Variants in KDM4D observed in about 807,000 individuals in gnomAD.
KDM4D encodes lysine demethylase 4D.
For synonymous variants in KDM4D, 254 were observed against 249.1 expected (o/e 1.02, Z -0.19); for missense variants, 427 against 674.8 (o/e 0.63, Z 4.07).
chr11:94,978,184 C>A (rs1857814568), intron 2 of KDM4D, among the ~76,000 whole-genome samples: 1 of 152,142 alleles, frequency 6.6e-6, no homozygotes, highest in Admixed American at 6.5e-5. Flanking sequence ...CTCTCCATCT[C>A]TTCCAGTTGA....
chr11:94,985,965 G>C (rs1857881735), intron 2 of KDM4D, among the ~76,000 whole-genome samples: 1 of 152,062 alleles, frequency 6.6e-6, no homozygotes, highest in Non-Finnish European at 1.5e-5. Flanking sequence ...AAGAAAACAG[G>C]AAAAATCTTT....
At chr11:94,992,020 A>T (rs1354792256) in intron 2 of KDM4D, among the ~76,000 whole-genome samples, 4 of 152,060 alleles carry the variant, frequency 2.6e-5, no homozygotes, top group African/African-American at 9.7e-5. Context: ...AATAATTTCA[A>T]AAGTTAATAA....
In KDM4D at chr11:94,998,240, G is replaced by A. The variant is rs782787300; in HGVS notation, c.868G>A (p.Ala290Thr). ...HAGFNHGFNC[A>T]EAINFATPRW... ...TGGCTTCAACCATGGTTTCAACTGC[G>A]CAGAGGCCATCAATTTTGCCACTCC... The change falls in exon 3 of 3, where the codon GCA becomes ACA. Residue 290 changes from alanine to threonine, a missense_variant. Transcript: ENST00000335080. The surrounding 1 kb of genome is among the most constrained non-coding windows in gnomAD (Gnocchi z 6.7). 5.0e-6 allele frequency: 8 copies of A among 1,614,190 alleles called. No homozygotes were observed. Among genetic ancestry groups the A allele is most frequent in the African/African-American group, 1.3e-5 (1 of 75,054 alleles).
At chr11:94,987,609 CT>C (rs1465176519) in intron 2 of KDM4D, among the ~76,000 whole-genome samples, 1 of 152,130 alleles carries the variant, frequency 6.6e-6, no homozygotes, top group Non-Finnish European at 1.5e-5. Context: ...TCTTCAGTGC[CT>C]GACTCAAATA....
chr11:94,993,887 A>G (rs1430308801), intron 2 of KDM4D, among the ~76,000 whole-genome samples: 4 of 152,082 alleles, frequency 2.6e-5, no homozygotes, highest in Non-Finnish European at 5.9e-5. Flanking sequence ...GAAATATTTT[A>G]TTTTATATTC....
chr11:94,980,998 AG>A (rs1412728952), intron 2 of KDM4D, among the ~76,000 whole-genome samples: 12 of 152,134 alleles, frequency 7.9e-5, no homozygotes, highest in African/African-American at 2.7e-4. Flanking sequence ...CTGATCTGCA[AG>A]GGAAAACGTA....
intron 2 of KDM4D, among the ~76,000 whole-genome samples, chr11:94,990,302 A>G (rs1241368360): frequency 6.6e-6 from 1 of 152,218 alleles, no homozygotes; most frequent in African/African-American, 2.4e-5. Context: ...AGAAGATAGA[A>G]TTCTCACCAA....
At chr11:94,984,322 C>G (rs587631036) in intron 2 of KDM4D, among the ~76,000 whole-genome samples, 6 of 151,946 alleles carry the variant, frequency 3.9e-5, no homozygotes, top group Non-Finnish European at 8.8e-5. Flanking sequence ...TGGCAAATCC[C>G]TGTCTCTACA....
chr11:94,990,307 C>T (rs1355624737), intron 2 of KDM4D, among the ~76,000 whole-genome samples: 3 of 152,206 alleles, frequency 2.0e-5, no homozygotes, highest in Non-Finnish European at 4.4e-5. Flanking sequence ...ATAGAATTCT[C>T]ACCAAGGTCT....
At chr11:94,995,158 C>T (rs587703185) in intron 2 of KDM4D, among the ~76,000 whole-genome samples, 1 of 152,232 alleles carries the variant, frequency 6.6e-6, no homozygotes, top group East Asian at 1.9e-4. Context: ...ATTATGTTCT[C>T]AATACTTTTA....
chr11:94,979,388 C>T (rs1857825235), intron 2 of KDM4D, among the ~76,000 whole-genome samples: 1 of 151,988 alleles, frequency 6.6e-6, no homozygotes, highest in Non-Finnish European at 1.5e-5. Flanking sequence ...TGCCACCATG[C>T]CTGGCTAATT....
Position 94,998,197 on chromosome 11 carries a change from T to C in KDM4D, c.825T>C (p.Phe275=), listed in dbSNP as rs782018256. The C allele has an allele frequency of 3.1e-6, 5 of 1,614,200 alleles. No homozygotes were observed. The Admixed American group carries it at 8.3e-5, about 27-fold the overall frequency. The change falls in exon 3 of 3, where the codon TTT becomes TTC. Residue 275 remains phenylalanine, a synonymous_variant. Transcript: ENST00000335080. The surrounding 1 kb of genome is among the most constrained non-coding windows in gnomAD (Gnocchi z 6.7). ...TQEAGEFMVT[F]PYGYHAGFNH... ...AGGCTGGAGAGTTCATGGTGACCTT[T>C]CCCTATGGCTACCATGCTGGCTTCA...
intron 2 of KDM4D, among the ~76,000 whole-genome samples, chr11:94,991,409 G>A (rs1459516581): frequency 6.6e-6 from 1 of 152,112 alleles, no homozygotes; most frequent in Non-Finnish European, 1.5e-5. Context: ...CAAAGAAACA[G>A]ACCATGCAGG....
Position 94,997,988 on chromosome 11 carries a change from C to G in KDM4D, c.616C>G (p.Leu206Val). 6.2e-7 allele frequency: 1 copy of G among 1,614,252 alleles called. No homozygotes were observed. The highest frequency in any genetic ancestry group is 8.5e-7 in the Non-Finnish European group (1 of 1,180,048). ...MDLYSINYLH[L>V]GEPKTWYVVP... ...CCTTTACAGCATCAACTACCTGCAC[C>G]TTGGGGAGCCCAAAACTTGGTATGT... is the stretch of plus-strand genomic sequence containing the variant. The change falls in exon 3 of 3, where the codon CTT becomes GTT. Residue 206 changes from leucine (L) to valine (V), a missense_variant. Physicochemically the swap from Leu to Val is conservative, Grantham distance 32 (BLOSUM62 1). Coordinates refer to ENST00000335080, the MANE Select transcript of KDM4D (RefSeq NM_018039.3).
At position 94,973,777 on chromosome 11, in the gene KDM4D, C is replaced by T. The variant is rs1270161821; in HGVS notation, c.-736C>T. 1 of 152,364 alleles carries T rather than the reference C, an allele frequency of 6.6e-6. No individual in the cohort carries two copies. Among genetic ancestry groups the T allele is most frequent in the Non-Finnish European group, 1.5e-5 (1 of 68,134 alleles). The allele number at this position is 152,364 out of a possible 1,614,324, so 9.4% of individuals were successfully genotyped here. On this transcript the variant is annotated 5_prime_UTR_variant, in exon 1 of 3. Transcript: ENST00000335080. ...ATTTTATACCTTCAAGAACCAATTA[C>T]TTAATGTCTCTTCCGTCTTTTCCGT...
In KDM4D at chr11:94,994,109, C is replaced by G. The variant is rs782326844; in HGVS notation, c.-349-2915C>G. Reference sequence around the variant, plus strand: ...ATAAGGAAGATAAAGAGAACACACCCTGGGGTGTCTAGATGTCCTTGGGGC... The same window carrying G: ...ATAAGGAAGATAAAGAGAACACACCGTGGGGTGTCTAGATGTCCTTGGGGC... On this transcript the variant is annotated intron_variant, in intron 2 of 2. Coordinates refer to ENST00000335080, the MANE Select transcript of KDM4D (RefSeq NM_018039.3). 6.6e-5 allele frequency among the ~76,000 whole-genome samples: 10 copies of G among 152,214 alleles called. 1 individual carries two copies. Among genetic ancestry groups the G allele is most frequent in the African/African-American group, 2.2e-4 (9 of 41,542 alleles).
chr11:94,991,958 A>G (rs370291052), intron 2 of KDM4D, among the ~76,000 whole-genome samples: 72 of 152,242 alleles, frequency 4.7e-4, no homozygotes, highest in Non-Finnish European at 9.1e-4. Flanking sequence ...GTAAAGAACC[A>G]AGAATCATAT....
At chr11:94,978,139 A>T (rs1182983898) in intron 2 of KDM4D, among the ~76,000 whole-genome samples, 2 of 152,174 alleles carry the variant, frequency 1.3e-5, no homozygotes, top group Non-Finnish European at 2.9e-5. Context: ...TCCTAATTAA[A>T]TCAGCCCTAA....
At position 94,990,011 on chromosome 11, in the gene KDM4D, G is replaced by A. The variant is rs187717179; in HGVS notation, c.-349-7013G>A. Reference sequence around the variant, plus strand: ...TCACCTCAGGTGTCCCACCCACCTCGGCCTCCCAAAGTGCTGGGATTACAG... The same window carrying A: ...TCACCTCAGGTGTCCCACCCACCTCAGCCTCCCAAAGTGCTGGGATTACAG... On this transcript the variant is annotated intron_variant, in intron 2 of 2. Transcript: ENST00000335080. Among the ~76,000 whole-genome samples the A allele has an allele frequency of 1.9e-3, 292 of 152,092 alleles. 1 individual carries two copies. Among genetic ancestry groups the A allele is most frequent in the African/African-American group, 6.7e-3 (280 of 41,488 alleles).
Sources: gnomAD v4.1 joint callset for allele counts (sites outside exome capture counted in the v4.1 genomes callset) on GRCh38, gnomAD v4.1.1 for gene constraint, Gnocchi (gnomAD v3.1) non-coding constraint, MANE v1.5 for transcripts, NCBI Gene and HGNC (gene_info 2026-07-23, HGNC 2026-07-21) for gene names.